The following PARPBP variants were observed in gnomAD, a reference collection of about 807,000 sequenced individuals.
PARPBP encodes the protein PARP1 binding protein.
In PARPBP, 52 loss-of-function variants were observed where a neutral mutation model predicts 50.0. The observed-to-expected ratio is 1.04, with a 90% CI of 0.83 to 1.31. The LOEUF is 1.31. Among genes scored for constraint, PARPBP ranks in the 50% most tolerant of loss-of-function variants. The probability of loss-of-function intolerance (pLI) is 0.00; values close to 1 mark genes in which losing one functional copy is unlikely to be tolerated. For missense variants in PARPBP, 697 were observed against 672.0 expected (o/e 1.04, Z -0.41); for synonymous variants, 244 against 232.1 (o/e 1.05, Z -0.47).
At chr12:102,126,936 C>T (rs1313268275) in intron 2 of PARPBP, among the ~76,000 whole-genome samples, 1 of 152,088 alleles carries the variant, frequency 6.6e-6, no homozygotes, top group Non-Finnish European at 1.5e-5. Context: ...TTTAATATGA[C>T]TGCCATATTC....
At chr12:102,139,959 C>T (rs1884290937) in intron 2 of PARPBP, among the ~76,000 whole-genome samples, 2 of 152,094 alleles carry the variant, frequency 1.3e-5, no homozygotes, top group African/African-American at 2.4e-5. Flanking sequence ...TTTGTTGTGT[C>T]TCTGCCAGGC....
chr12:102,184,046 G>GAAAAAAATA (rs1555222381), intron 9 of PARPBP, among the ~76,000 whole-genome samples: 1 of 59,978 alleles, frequency 1.7e-5, no homozygotes, highest in African/African-American at 7.2e-5. Flanking sequence ...GACTCTATCT[G>GAAAAAAATA]AAAAAAAAAA....
chr12:102,132,589 A>T (rs1225810401), intron 2 of PARPBP, among the ~76,000 whole-genome samples: 2 of 152,158 alleles, frequency 1.3e-5, no homozygotes, highest in Admixed American at 1.3e-4. Flanking sequence ...AGGTAGTGTG[A>T]TGCCTCCAGC....
chr12:102,126,660 G>A (rs565212239), intron 2 of PARPBP, among the ~76,000 whole-genome samples: 39 of 152,230 alleles, frequency 2.6e-4, no homozygotes, highest in African/African-American at 2.6e-4. Context: ...AGTGGTAGGC[G>A]CCTGTAGTCC....
In PARPBP at chr12:102,164,470, A is replaced by G; in HGVS notation, c.528A>G (p.Ser176=). 6.2e-7 allele frequency: 1 copy of G among 1,613,022 alleles called. No homozygotes were observed. Among genetic ancestry groups the G allele is most frequent in the Non-Finnish European group, 8.5e-7 (1 of 1,179,224 alleles). ...TGCTAGCAAGGAAAATTATCTTTTC[A>G]TATTTAAATCTGCTAGTGAATTCAA... ...VQLLARKIIF[S]YLNLLVNSKN... The change falls in exon 5 of 11, where the codon TCA becomes TCG. Residue 176 remains serine (S), a synonymous_variant. Coordinates refer to ENST00000327680, the MANE Select transcript of PARPBP (RefSeq NM_017915.5).
intron 2 of PARPBP, among the ~76,000 whole-genome samples, chr12:102,135,838 G>A (rs574778423): frequency 6.6e-6 from 1 of 152,248 alleles, no homozygotes; most frequent in South Asian, 2.1e-4. Context: ...ATTTGGGGGT[G>A]GAGTGATCTT....
chr12:102,131,610 C>T (rs181892108), intron 2 of PARPBP, among the ~76,000 whole-genome samples: 52 of 152,244 alleles, frequency 3.4e-4, no homozygotes, highest in African/African-American at 1.0e-3. Context: ...TAATGATAGA[C>T]TGGATAAAGA....
At chr12:102,177,546 G>T (rs926183863) in intron 7 of PARPBP, among the ~76,000 whole-genome samples, 1 of 151,658 alleles carries the variant, frequency 6.6e-6, no homozygotes, top group Non-Finnish European at 1.5e-5. Flanking sequence ...GTTTTTTTCA[G>T]CTTTCCCTTT....
intron 2 of PARPBP, among the ~76,000 whole-genome samples, chr12:102,147,712 T>C (rs1885586931): frequency 1.3e-5 from 2 of 151,744 alleles, no homozygotes; most frequent in Admixed American, 1.3e-4. Context: ...ACTTAAAGTA[T>C]AATAATAATA....
At chr12:102,148,635 T>C (rs1399518792) in intron 3 of PARPBP, 172 bp downstream of exon 3, 5 of 451,156 alleles carry the variant, frequency 1.1e-5, no homozygotes, top group Non-Finnish European at 1.9e-5. Context: ...AAAGAAAGAT[T>C]TTGTGGTAAA....
In PARPBP at chr12:102,195,404, A is replaced by T. The variant is rs1219029004; in HGVS notation, c.1356A>T (p.Ala452=). Residue 452 remains alanine, a synonymous_variant, in exon 10 of 11, where the codon GCA becomes GCT. Coordinates refer to ENST00000327680, the MANE Select transcript of PARPBP (RefSeq NM_017915.5). ...SKDNWNNVNL[A]SKPLCVLYME... ...ATAATTGGAATAATGTTAATTTAGC[A>T]TCAAAGCCTTTGTGTGTTCTTTACA... is the stretch of plus-strand genomic sequence containing the variant. 1.3e-6 allele frequency: 2 copies of T among 1,596,080 alleles called. No individual in the cohort carries two copies. Among genetic ancestry groups the T allele is most frequent in the Admixed American group, 1.7e-5 (1 of 58,338 alleles).
chr12:102,186,502 TTTTG>T (rs1333287334), intron 9 of PARPBP, among the ~76,000 whole-genome samples: 1 of 152,092 alleles, frequency 6.6e-6, no homozygotes, highest in Non-Finnish European at 1.5e-5. Context: ...ATCTCATAGG[TTTTG>T]GTATGTTGTG....
At chr12:102,158,854 C>T (rs1887255969) in intron 4 of PARPBP, among the ~76,000 whole-genome samples, 1 of 152,036 alleles carries the variant, frequency 6.6e-6, no homozygotes. Context: ...GCTTTTAGAA[C>T]TTCGGCTTAT....
chr12:102,178,618 T>C lies in PARPBP; in HGVS notation c.1032T>C (p.Gly344=), dbSNP rs1889525560. The C allele has an allele frequency of 6.2e-7, 1 of 1,611,896 alleles. No homozygotes were observed. The highest frequency in any genetic ancestry group is 1.3e-5 in the African/African-American group (1 of 74,896). Residue 344 remains glycine, a synonymous_variant, in exon 8 of 11, where the codon GGT becomes GGC. Coordinates refer to ENST00000327680, the MANE Select transcript of PARPBP (RefSeq NM_017915.5). The part of the protein sequence containing the change: ...ARPKSHAINH[G]TAYCGRDTVK... ...CAAAATCTCATGCCATAAACCATGG[T>C]ACTGCATACTGTGGCAGAGATACTG... is the stretch of plus-strand genomic sequence containing the variant.
chr12:102,158,904 T>A (rs936633162), intron 4 of PARPBP, among the ~76,000 whole-genome samples: 17 of 152,234 alleles, frequency 1.1e-4, no homozygotes, highest in Non-Finnish European at 1.8e-4. Flanking sequence ...ATTATAAGCA[T>A]GTAGTTTCCT....
intron 4 of PARPBP, among the ~76,000 whole-genome samples, chr12:102,160,585 C>A (rs556765264): frequency 2.0e-5 from 3 of 152,272 alleles, no homozygotes; most frequent in African/African-American, 7.2e-5. Context: ...AAAATGGAAA[C>A]TCATATTATA....
chr12:102,194,447 A>G (rs981536018), intron 9 of PARPBP, among the ~76,000 whole-genome samples: 6 of 151,936 alleles, frequency 3.9e-5, no homozygotes, highest in Admixed American at 3.9e-4. Context: ...ATCATTTGTA[A>G]TTGTTGAAAT....
chr12:102,184,541 T>C (rs1348444551), intron 9 of PARPBP, among the ~76,000 whole-genome samples: 1 of 152,162 alleles, frequency 6.6e-6, no homozygotes, highest in Middle Eastern at 3.2e-3. Flanking sequence ...AGGCACCTTA[T>C]CCAAGATCTC....
chr12:102,152,108 T>G, intron 3 of PARPBP: 1 of 302,034 alleles, frequency 3.3e-6, no homozygotes. Context: ...GCTCTGCTGC[T>G]TCCTCGCTCC....
Sources: gnomAD v4.1 joint callset for allele counts (sites outside exome capture counted in the v4.1 genomes callset) on GRCh38, gnomAD v4.1.1 for gene constraint, MANE v1.5 for transcripts, NCBI Gene and HGNC (gene_info 2026-07-23, HGNC 2026-07-21) for gene names.